Variants in SHISA9 observed in about 807,000 individuals in gnomAD.
SHISA9 encodes the protein shisa family member 9.
A neutral mutation model predicts 38.0 loss-of-function variants in SHISA9; 13 were observed. The ratio of observed to expected loss-of-function variants is 0.34; its 90% CI spans 0.22 to 0.54. The LOEUF (loss-of-function observed/expected upper bound fraction) is 0.54, where lower values mean the gene tolerates loss of function less well. SHISA9 is among the 20% of genes least tolerant of loss of function. The pLI, the probability that SHISA9 is intolerant of heterozygous loss-of-function variation, is 0.91. For missense variants in SHISA9, 538 were observed against 575.8 expected (o/e 0.93, Z 0.67); for synonymous variants, 275 against 242.0 (o/e 1.14, Z -1.27).
the SHISA9 span, among the ~76,000 whole-genome samples, chr16:13,266,100 C>G: frequency 6.6e-6 from 1 of 152,084 alleles, no homozygotes; most frequent in African/African-American, 2.4e-5. Flanking sequence ...TTTTAAATAT[C>G]AAAGCAATTG....
rs7204117 is a variant in SHISA9 at position 13,078,980 on chromosome 16, A to G, written c.692-124414A>G. Among the ~76,000 whole-genome samples the G allele has an allele frequency of 1.9e-3, 283 of 152,366 alleles. 1 individual carries two copies. The highest frequency in any genetic ancestry group is 6.5e-3 in the African/African-American group (272 of 41,576). On this transcript the variant is annotated intron_variant, in intron 2 of 4. Transcript: ENST00000558583. Reference sequence around the variant, plus strand: ...AACAGAATAGATAAGAGCTGGGACTATGCAGCAGCCAGACAGCCTGGGTTT... The same window carrying G: ...AACAGAATAGATAAGAGCTGGGACTGTGCAGCAGCCAGACAGCCTGGGTTT...
intron 2 of SHISA9, among the ~76,000 whole-genome samples, chr16:12,966,991 A>C (rs1288384003): frequency 6.6e-6 from 1 of 152,194 alleles, no homozygotes; most frequent in African/African-American, 2.4e-5. Context: ...GGAGGTCCAG[A>C]AATGAATAAG....
At chr16:13,035,532 T>G (rs990956026) in intron 2 of SHISA9, among the ~76,000 whole-genome samples, 3 of 70,514 alleles carry the variant, frequency 4.3e-5, no homozygotes, top group Non-Finnish European at 8.1e-5. Context: ...CCTGTAATTT[T>G]CAGCTTTTTT....
intron 2 of SHISA9, among the ~76,000 whole-genome samples, chr16:12,959,082 A>G (rs1230903235): frequency 1.3e-5 from 2 of 152,196 alleles, no homozygotes; most frequent in African/African-American, 4.8e-5. Flanking sequence ...ATGGGAAACC[A>G]TTGGAGGATT....
intron 2 of SHISA9, among the ~76,000 whole-genome samples, chr16:13,188,166 T>C (rs2050846678): frequency 6.6e-6 from 1 of 152,106 alleles, no homozygotes; most frequent in Non-Finnish European, 1.5e-5. Flanking sequence ...GCACACACAC[T>C]CCAAAAAAGA....
the SHISA9 span, among the ~76,000 whole-genome samples, chr16:13,304,289 C>T: frequency 2.0e-5 from 3 of 152,348 alleles, no homozygotes; most frequent in South Asian, 6.2e-4. Flanking sequence ...AAAAGGGTCT[C>T]ACTCTGTCAC....
At chr16:13,513,169 C>G in the SHISA9 span, among the ~76,000 whole-genome samples, 529 of 152,160 alleles carry the variant, frequency 3.5e-3, 7 homozygotes, top group African/African-American at 0.012. Context: ...CAAGAAATAA[C>G]CAAACAATCC....
chr16:13,202,133 G>A (rs1440417911), intron 2 of SHISA9, among the ~76,000 whole-genome samples: 4 of 120,622 alleles, frequency 3.3e-5, no homozygotes, highest in African/African-American at 6.8e-5. Context: ...TGAAGATGGT[G>A]ACACTTACCA....
In SHISA9 at chr16:12,993,294, G is replaced by T. The variant is rs568214688; in HGVS notation, c.691+76479G>T. On this transcript the variant is annotated intron_variant, in intron 2 of 4. Transcript: ENST00000558583. ...CATGACAAGTTTTGTTTCAGATCCT[G>T]AGAAATTACCTTTGAGTTTCCTCTA... Among the ~76,000 whole-genome samples the T allele has an allele frequency of 6.6e-4, 100 of 152,304 alleles. 1 individual carries two copies. Among genetic ancestry groups the T allele is most frequent in the African/African-American group, 2.4e-3 (98 of 41,566 alleles).
At chr16:13,309,828 A>C in the SHISA9 span, among the ~76,000 whole-genome samples, 1 of 152,040 alleles carries the variant, frequency 6.6e-6, no homozygotes, top group African/African-American at 2.4e-5. Flanking sequence ...AACAAACAAA[A>C]AACTCCAAAC....
chr16:13,395,017 T>C, the SHISA9 span, among the ~76,000 whole-genome samples: 1 of 151,104 alleles, frequency 6.6e-6, no homozygotes, highest in Non-Finnish European at 1.5e-5. Context: ...TCTTATGAAA[T>C]CCTAAGAAAT....
intron 2 of SHISA9, among the ~76,000 whole-genome samples, chr16:13,146,111 A>G (rs1753194980): frequency 6.6e-6 from 1 of 152,096 alleles, no homozygotes; most frequent in African/African-American, 2.4e-5. Context: ...TTTCCCTTGA[A>G]CCCGGGAGGG....
the SHISA9 span, among the ~76,000 whole-genome samples, chr16:13,387,280 T>A: frequency 6.6e-6 from 1 of 152,218 alleles, no homozygotes; most frequent in Admixed American, 6.5e-5. Context: ...AGAATTCAAT[T>A]TAAGATGAAG....
the SHISA9 span, among the ~76,000 whole-genome samples, chr16:13,253,740 A>T: frequency 2.4e-3 from 361 of 152,328 alleles, 1 homozygote; most frequent in Non-Finnish European, 3.1e-3. Context: ...TTGGGTGGGG[A>T]CACAGCCAAA....
chr16:13,394,058 G>C, the SHISA9 span, among the ~76,000 whole-genome samples: 6 of 152,334 alleles, frequency 3.9e-5, no homozygotes, highest in African/African-American at 1.4e-4. Context: ...TTGGCGGATG[G>C]AACTTGAATG....
intron 2 of SHISA9, among the ~76,000 whole-genome samples, chr16:13,027,040 C>G (rs888885750): frequency 1.3e-5 from 2 of 152,160 alleles, no homozygotes; most frequent in Admixed American, 6.5e-5. Flanking sequence ...TTTATACCTC[C>G]CTCCCCCACT....
At chr16:12,928,897 CTG>C (rs1222085820) in intron 2 of SHISA9, among the ~76,000 whole-genome samples, 2 of 152,206 alleles carry the variant, frequency 1.3e-5, no homozygotes, top group African/African-American at 2.4e-5. Flanking sequence ...ATTAAACAAA[CTG>C]TTTCTTGTGA....
At chr16:13,210,644 C>G (rs761530643) in intron 3 of SHISA9, among the ~76,000 whole-genome samples, 2 of 152,162 alleles carry the variant, frequency 1.3e-5, no homozygotes, top group South Asian at 4.1e-4. Context: ...GGATTGGCCT[C>G]TACTAGTTTA....
At chr16:13,375,747 C>T in the SHISA9 span, among the ~76,000 whole-genome samples, 8 of 152,156 alleles carry the variant, frequency 5.3e-5, no homozygotes, top group East Asian at 1.3e-3. Flanking sequence ...CACTACAACA[C>T]ATCACTGAAA....
Sources: gnomAD v4.1 joint callset for allele counts (sites outside exome capture counted in the v4.1 genomes callset) on GRCh38, gnomAD v4.1.1 for gene constraint, MANE v1.5 for transcripts, NCBI Gene and HGNC (gene_info 2026-07-23, HGNC 2026-07-21) for gene names.